The following GUCA2B variants were observed in gnomAD, a reference collection of about 807,000 sequenced individuals.
GUCA2B encodes prepro-uroguanylin.
GUCA2B carries 7 observed loss-of-function variants against 11.1 expected under a neutral mutation model. The observed-to-expected ratio is 0.63, with a 90% confidence interval of 0.36 to 1.18. The LOEUF is 1.18. GUCA2B is among the 50% of genes most tolerant of loss of function. The probability of loss-of-function intolerance (pLI) is 0.02; values close to 1 mark genes in which losing one functional copy is unlikely to be tolerated. For synonymous variants in GUCA2B, 69 were observed against 65.3 expected (o/e 1.06, Z -0.27); for missense variants, 140 against 142.5 (o/e 0.98, Z 0.09).
chr1:42,155,139 C>T (rs995792358), intron 2 of GUCA2B, among the ~76,000 whole-genome samples: 7 of 152,240 alleles, frequency 4.6e-5, no homozygotes, highest in Admixed American at 3.9e-4. Context: ...CTGACATCTG[C>T]GATGGGACAG....
intron 1 of GUCA2B, among the ~76,000 whole-genome samples, chr1:42,154,345 T>C (rs1199653549): frequency 6.6e-6 from 1 of 152,136 alleles, no homozygotes. Flanking sequence ...ACTCAGTTAG[T>C]GATTGTGCCC....
intron 1 of GUCA2B, among the ~76,000 whole-genome samples, chr1:42,154,244 T>C (rs1257258247): frequency 2.6e-5 from 4 of 152,006 alleles, no homozygotes; most frequent in Non-Finnish European, 4.4e-5. Flanking sequence ...CAGAGAGGGG[T>C]GCAGGAGACT....
chr1:42,154,720 T>C lies in GUCA2B; in HGVS notation c.131T>C (p.Leu44Pro). The change falls in exon 2 of 3, where the codon CTG (leucine) becomes CCG (proline). Residue 44 changes from leucine to proline, a missense_variant. Leu to Pro is a moderately conservative substitution (Grantham distance 98). Transcript: ENST00000372581. ...GTCCAGCTGGAATCCATGAAGAAGC[T>C]GAGTGACCTGGAGGCACAGTGGGCA... Reference protein sequence around the residue: ...FRVQLESMKKLSDLEAQWAPS... With the variant: ...FRVQLESMKKPSDLEAQWAPS... The C allele has an allele frequency of 6.2e-7, 1 of 1,614,106 alleles. No individual in the cohort carries two copies. Among genetic ancestry groups the C allele is most frequent in the South Asian group, 1.1e-5 (1 of 91,080 alleles).
At position 42,153,482 on chromosome 1, in the gene GUCA2B, C is replaced by T; in HGVS notation, c.32C>T (p.Pro11Leu). Residue 11 changes from proline to leucine, a missense_variant, in exon 1 of 3, where the codon CCA (proline) becomes CTA (leucine). By Grantham distance (98) the Pro-to-Leu change is moderately conservative. Coordinates refer to ENST00000372581, the MANE Select transcript of GUCA2B (RefSeq NM_007102.3). ...TGCAGGGCTGCATCAGGGCTCCTGC[C>T]AGGAGTGGCCGTGGTCCTCCTGCTG... is the stretch of plus-strand genomic sequence containing the variant. The part of the protein sequence containing the change: MGCRAASGLL[P>L]GVAVVLLLLL... 1 of 1,612,750 alleles carries T rather than the reference C, an allele frequency of 6.2e-7. No homozygotes were observed. The highest frequency in any genetic ancestry group is 1.1e-5 in the South Asian group (1 of 91,070).
At chr1:42,155,506 G>T (rs1646104898) in intron 2 of GUCA2B, 29 bp from the exon 3 acceptor site, 1 of 1,601,872 alleles carries the variant, frequency 6.2e-7, no homozygotes, top group Non-Finnish European at 8.6e-7. Flanking sequence ...CCAGGTTCAG[G>T]TCAACTGACC....
chr1:42,155,705 GTCA>G lies in GUCA2B; in HGVS notation c.*113_*115del. On this transcript the variant is annotated 3_prime_UTR_variant, in exon 3 of 3. Coordinates refer to ENST00000372581, the MANE Select transcript of GUCA2B (RefSeq NM_007102.3). ...TCAAGATGGGTCCCTGGCCACCATG[GTCA>G]TCACCACCCTTCCAGGGCCTGAGCA... 1.2e-6 allele frequency: 1 copy of G among 848,836 alleles called. No individual in the cohort carries two copies. Among genetic ancestry groups the G allele is most frequent in the Non-Finnish European group, 2.0e-6 (1 of 489,700 alleles). 52.6% of individuals were successfully genotyped at this position (848,836 alleles called of 1,614,324 possible). A position where few individuals can be genotyped will look rare whatever the true frequency, so the allele number is the denominator to read the frequency against.
Position 42,154,665 on chromosome 1 carries a change from C to T in GUCA2B, c.91-15C>T. ...AGGTCTTGACCTGCTCCTATCTCCTCTCCCCTGTCTGTAGTACCAAGGCTT... is the reference window on the plus strand; with the variant it reads ...AGGTCTTGACCTGCTCCTATCTCCTTTCCCCTGTCTGTAGTACCAAGGCTT... On this transcript the variant is annotated splice_polypyrimidine_tract_variant and intron_variant, in intron 1 of 2. Transcript: ENST00000372581. 1.9e-6 allele frequency: 3 copies of T among 1,611,306 alleles called. No homozygotes were observed. The Admixed American group carries it at 5.0e-5, about 27-fold the overall frequency.
At chr1:42,153,604 A>G in intron 1 of GUCA2B, 64 bp downstream of exon 1, 2 of 1,212,696 alleles carry the variant, frequency 1.6e-6, no homozygotes, top group South Asian at 2.5e-5. Flanking sequence ...TAGGCTGGAG[A>G]GGGTGTACTG....
At position 42,154,866 on chromosome 1, in the gene GUCA2B, A is replaced by G; in HGVS notation, c.277A>G (p.Arg93Gly). The G allele has an allele frequency of 6.2e-7, 1 of 1,608,656 alleles. No individual in the cohort carries two copies. Among genetic ancestry groups the G allele is most frequent in the Non-Finnish European group, 8.5e-7 (1 of 1,176,280 alleles). Reference sequence around the variant, plus strand: ...GGCTTCCAGCATCTTCAAGACCCTGAGTAAGTGCCCCCGCTCCCTGCAGAA... The same window carrying G: ...GGCTTCCAGCATCTTCAAGACCCTGGGTAAGTGCCCCCGCTCCCTGCAGAA... ...QEASSIFKTLRTIANDDCELC... is the reference protein window; with the variant it reads ...QEASSIFKTLGTIANDDCELC... Residue 93 changes from arginine to glycine, a missense_variant and splice_region_variant, in exon 2 of 3, where the codon AGG becomes GGG. Transcript: ENST00000372581.
rs538465648 is a variant in GUCA2B, at chr1:42,153,689, G to A, written c.90+149G>A. ...CACCCATCACAGCCCAGAGACCAAGGCAGCTGGTGGGTGGGGGCAGCCAGA... is the reference window on the plus strand; with the variant it reads ...CACCCATCACAGCCCAGAGACCAAGACAGCTGGTGGGTGGGGGCAGCCAGA... On this transcript the variant is annotated intron_variant, in intron 1 of 2. Coordinates refer to ENST00000372581, the MANE Select transcript of GUCA2B (RefSeq NM_007102.3). 602 of 612,916 alleles carry A rather than the reference G, an allele frequency of 9.8e-4. 10 individuals carry two copies. In the South Asian group the frequency reaches 0.011, roughly 11 times the overall value. 38.0% of individuals were successfully genotyped at this position (612,916 alleles called of 1,614,324 possible).
rs375494345 is a variant in GUCA2B, at chr1:42,153,449, C to T, written c.-2C>T. 44 of 1,608,018 alleles carry T rather than the reference C, an allele frequency of 2.7e-5. No individual in the cohort carries two copies. Among genetic ancestry groups the T allele is most frequent in the South Asian group, 7.7e-5 (7 of 90,964 alleles). On this transcript the variant is annotated 5_prime_UTR_variant, in exon 1 of 3. Transcript: ENST00000372581. ...AGCGGCAGGGGGAACCCAGGGAGCG[C>T]GATGGGCTGCAGGGCTGCATCAGGG...
At position 42,154,664 on chromosome 1, in the gene GUCA2B, T is replaced by A; in HGVS notation, c.91-16T>A. ...CAGGTCTTGACCTGCTCCTATCTCC[T>A]CTCCCCTGTCTGTAGTACCAAGGCT... On this transcript the variant is annotated splice_polypyrimidine_tract_variant and intron_variant, in intron 1 of 2. Transcript: ENST00000372581. The A allele has an allele frequency of 6.2e-7, 1 of 1,610,864 alleles. No homozygotes were observed. Among genetic ancestry groups the A allele is most frequent in the East Asian group, 2.2e-5 (1 of 44,854 alleles).
At chr1:42,154,047 G>A (rs1283220744) in intron 1 of GUCA2B, among the ~76,000 whole-genome samples, 1 of 152,226 alleles carries the variant, frequency 6.6e-6, no homozygotes, top group African/African-American at 2.4e-5. Context: ...CCAGATAGAA[G>A]ACTATGGGGG....
Position 42,155,779 on chromosome 1 carries a change from G to GC in GUCA2B, c.*187dup. The GC allele has an allele frequency of 1.6e-6, 1 of 631,670 alleles. No homozygotes were observed. The highest frequency in any genetic ancestry group is 2.9e-6 in the Non-Finnish European group (1 of 348,842). 39.1% of individuals were successfully genotyped at this position (631,670 alleles called of 1,614,324 possible). Reference sequence around the variant, plus strand: ...ATCGGACATAGAGTTGGAGGGGGAGGCCCCTGAGGCAGCCCAGCTCCTGAA... The same window carrying GC: ...ATCGGACATAGAGTTGGAGGGGGAGGCCCCCTGAGGCAGCCCAGCTCCTGAA... On this transcript the variant is annotated 3_prime_UTR_variant, in exon 3 of 3. Coordinates refer to ENST00000372581, the MANE Select transcript of GUCA2B (RefSeq NM_007102.3).
In GUCA2B at chr1:42,155,796, G is replaced by C; in HGVS notation, c.*200G>C. The stretch of plus-strand genomic sequence containing the variant: ...AGGGGGAGGCCCCTGAGGCAGCCCA[G>C]CTCCTGAATAAAGATTCTACAACAC... On this transcript the variant is annotated 3_prime_UTR_variant, in exon 3 of 3. Coordinates refer to ENST00000372581, the MANE Select transcript of GUCA2B (RefSeq NM_007102.3). 1 of 616,494 alleles carries C rather than the reference G, an allele frequency of 1.6e-6. No individual in the cohort carries two copies. Among genetic ancestry groups the C allele is most frequent in the Non-Finnish European group, 2.9e-6 (1 of 342,508 alleles). The allele number at this position is 616,494 out of a possible 1,614,324, so 38.2% of individuals were successfully genotyped here.
Position 42,154,692 on chromosome 1 carries a change from C to A in GUCA2B, c.103C>A (p.Arg35=). 1.2e-6 allele frequency: 2 copies of A among 1,613,872 alleles called. No homozygotes were observed. Among genetic ancestry groups the A allele is most frequent in the Non-Finnish European group, 1.7e-6 (2 of 1,179,760 alleles). ...CCCCTGTCTGTAGTACCAAGGCTTCCGGGTCCAGCTGGAATCCATGAAGAA... is the reference window on the plus strand; with the variant it reads ...CCCCTGTCTGTAGTACCAAGGCTTCAGGGTCCAGCTGGAATCCATGAAGAA... ...QSVYIQYQGF[R]VQLESMKKLS... Residue 35 remains arginine, a synonymous_variant, in exon 2 of 3, where the codon CGG becomes AGG. Coordinates refer to ENST00000372581, the MANE Select transcript of GUCA2B (RefSeq NM_007102.3).
At position 42,155,704 on chromosome 1, in the gene GUCA2B, G is replaced by C; in HGVS notation, c.*108G>C. Reference sequence around the variant, plus strand: ...CTCAAGATGGGTCCCTGGCCACCATGGTCATCACCACCCTTCCAGGGCCTG... The same window carrying C: ...CTCAAGATGGGTCCCTGGCCACCATCGTCATCACCACCCTTCCAGGGCCTG... On this transcript the variant is annotated 3_prime_UTR_variant, in exon 3 of 3. Transcript: ENST00000372581. 1.2e-6 allele frequency: 1 copy of C among 851,078 alleles called. No individual in the cohort carries two copies. Among genetic ancestry groups the C allele is most frequent in the Non-Finnish European group, 2.0e-6 (1 of 491,540 alleles). The allele number at this position is 851,078 out of a possible 1,614,324, so 52.7% of individuals were successfully genotyped here. A position where few individuals can be genotyped will look rare whatever the true frequency, so the allele number is the denominator to read the frequency against.
intron 1 of GUCA2B, among the ~76,000 whole-genome samples, 153 bp from the exon 2 acceptor site, chr1:42,154,527 G>A (rs941338640): frequency 2.0e-5 from 3 of 152,152 alleles, no homozygotes; most frequent in East Asian, 1.9e-4. Flanking sequence ...ACCTCTCACC[G>A]CAGCGGCTCT....
chr1:42,153,446 G>A lies in GUCA2B; in HGVS notation c.-5G>A, dbSNP rs1439215045. 1.2e-6 allele frequency: 2 copies of A among 1,606,562 alleles called. No individual in the cohort carries two copies. The highest frequency in any genetic ancestry group is 2.2e-5 in the South Asian group (2 of 90,952). The stretch of plus-strand genomic sequence containing the variant: ...GACAGCGGCAGGGGGAACCCAGGGA[G>A]CGCGATGGGCTGCAGGGCTGCATCA... On this transcript the variant is annotated 5_prime_UTR_variant, in exon 1 of 3. Coordinates refer to ENST00000372581, the MANE Select transcript of GUCA2B (RefSeq NM_007102.3).
Sources: gnomAD v4.1 joint callset for allele counts (sites outside exome capture counted in the v4.1 genomes callset) on GRCh38, gnomAD v4.1.1 for gene constraint, MANE v1.5 for transcripts, NCBI Gene and HGNC (gene_info 2026-07-23, HGNC 2026-07-21) for gene names.